The following OBSL1 variants were observed in gnomAD, a reference collection of about 807,000 sequenced individuals.
The protein encoded by OBSL1 is obscurin-like protein 1.
A neutral mutation model predicts 172.0 loss-of-function variants in OBSL1; 160 were observed. The ratio of observed to expected loss-of-function variants is 0.93; its 90% CI spans 0.82 to 1.06. OBSL1 has a LOEUF of 1.06. Ranked by LOEUF, OBSL1 falls within the 50% of genes least tolerant of loss-of-function variation. The probability of loss-of-function intolerance (pLI) is 0.00; values close to 1 mark genes in which losing one functional copy is unlikely to be tolerated. For synonymous variants in OBSL1, 1,200 were observed against 1,196.3 expected (o/e 1.00, Z -0.06); for missense variants, 2,681 against 2,715.4 (o/e 0.99, Z 0.28).
At chr2:219,562,041 C>T (rs373699420) in intron 8 of OBSL1, 37 of 716,194 alleles carry the variant, frequency 5.2e-5, no homozygotes, top group South Asian at 3.1e-4. Context: ...GTGTGGAATG[C>T]GCAGGGCCCC....
chr2:219,556,568 C>T lies in OBSL1; in HGVS notation c.4222G>A (p.Ala1408Thr). 1 of 1,613,974 alleles carries T rather than the reference C, an allele frequency of 6.2e-7. No individual in the cohort carries two copies. Among genetic ancestry groups the T allele is most frequent in the Non-Finnish European group, 8.5e-7 (1 of 1,179,896 alleles). Residue 1408 changes from alanine to threonine, a missense_variant, in exon 13 of 21, where the codon GCC becomes ACC. Around this residue, in one of 5 missense-constraint regions of OBSL1, gnomAD observed 1,765 missense variants for 1,748.3 expected, o/e 1.01. Transcript: ENST00000404537. ...VVTPGPQVEM[A>T]QNGSSRILTL... ...AAGATGCGGCTTGAACCATTCTGGG[C>T]CATCTCCACCTGGGGCCCTGGAGTG...
At chr2:219,549,002 A>G, downstream of OBSL1, 1 of 775,992 alleles carries the variant, frequency 1.3e-6, no homozygotes, top group Non-Finnish European at 2.1e-6. Context: ...GAGGTAGGAG[A>G]CCAGGAAAGG....
intron 8 of OBSL1, chr2:219,562,127 G>A (rs72957529): frequency 9.4e-4 from 636 of 678,822 alleles, no homozygotes; most frequent in Non-Finnish European, 1.4e-3. Flanking sequence ...AATAGGGACC[G>A]TATTTGCATT....
Position 219,558,315 on chromosome 2 carries a change from G to A in OBSL1, c.3371C>T (p.Ser1124Leu). Residue 1124 changes from serine to leucine, a missense_variant, in exon 10 of 21, where the codon TCA becomes TTA. By Grantham distance (145) the Ser-to-Leu change is moderately radical. Around this residue, in one of 5 missense-constraint regions of OBSL1, gnomAD observed 1,765 missense variants for 1,748.3 expected, o/e 1.01. Coordinates refer to ENST00000404537, the MANE Select transcript of OBSL1 (RefSeq NM_015311.3). ...CTCGGCACCCAGCTGCAGGGCATCT[G>A]ATGCCTCCACTTCCAGCCCGTCCTT... is the stretch of plus-strand genomic sequence containing the variant. ...WYKDGLEVEA[S>L]DALQLGAEGP... The A allele has an allele frequency of 2.5e-6, 4 of 1,612,620 alleles. No individual in the cohort carries two copies. The South Asian group carries it at 3.3e-5, about 13-fold the overall frequency.
chr2:219,563,222 G>A (rs932256682), intron 7 of OBSL1, 133 bp downstream of exon 7: 1 of 855,966 alleles, frequency 1.2e-6, no homozygotes, highest in Non-Finnish European at 1.8e-6. Context: ...AGGAGAAAGG[G>A]AGGAGGTCCG....
At chr2:219,561,075 C>A (rs752781961) in intron 8 of OBSL1, among the ~76,000 whole-genome samples, 1 of 152,092 alleles carries the variant, frequency 6.6e-6, no homozygotes, top group Non-Finnish European at 1.5e-5. Context: ...AAGATGATTA[C>A]GACAGGGCAG....
intron 8 of OBSL1, chr2:219,559,722 TCA>T: frequency 3.8e-6 from 2 of 530,244 alleles, no homozygotes; most frequent in South Asian, 6.2e-5. Flanking sequence ...TTCTCATCTA[TCA>T]CATACCTTCC....
At chr2:219,556,879 G>T (rs1300929747) in intron 12 of OBSL1, 156 bp from the exon 13 acceptor site, 3 of 779,448 alleles carry the variant, frequency 3.8e-6, no homozygotes, top group Non-Finnish European at 6.0e-6. Flanking sequence ...CAAAGGACAA[G>T]ATGCCAGCTC....
At chr2:219,562,219 G>A (rs1245885284) in intron 8 of OBSL1, among the ~76,000 whole-genome samples, 183 bp downstream of exon 8, 1 of 152,176 alleles carries the variant, frequency 6.6e-6, no homozygotes, top group African/African-American at 2.4e-5. Context: ...CTGGCCTTGG[G>A]CACCGGGGAG....
chr2:219,560,573 C>A lies in OBSL1; in HGVS notation c.2954-1076G>T, dbSNP rs939174747. On this transcript the variant is annotated intron_variant, in intron 8 of 20. Coordinates refer to ENST00000404537, the MANE Select transcript of OBSL1 (RefSeq NM_015311.3). ...AGCCTCTGGCCCCCTGGTGGCTGGG[C>A]TGAGGAACTGCTAGCTTCCCAATCA... Among the ~76,000 whole-genome samples the A allele has an allele frequency of 3.5e-5, 5 of 143,202 alleles. No homozygotes were observed. In the South Asian group the frequency reaches 1.3e-3, roughly 36 times the overall value. 93.9% of individuals were successfully genotyped at this position (143,202 alleles called of 152,430 possible).
At chr2:219,553,807 A>G in intron 15 of OBSL1, 121 bp from the exon 16 acceptor site, 4 of 261,916 alleles carry the variant, frequency 1.5e-5, no homozygotes, top group South Asian at 3.7e-5. Context: ...GTGGGGTTCG[A>G]GCTGGGACAA....
chr2:219,568,455 G>C lies in OBSL1; in HGVS notation c.1013-131C>G. ...AGCCAGCGGGCACTGTGGAATCACA[G>C]AAAACTACCAGAAGGGAAGTGGTGG... is the stretch of plus-strand genomic sequence containing the variant. On this transcript the variant is annotated intron_variant, in intron 1 of 20. Transcript: ENST00000404537. This position sits in a 1 kb window ranked among gnomAD's most constrained non-coding sequence, Gnocchi z 4.1. 2 of 896,182 alleles carry C rather than the reference G, an allele frequency of 2.2e-6. No homozygotes were observed. Among genetic ancestry groups the C allele is most frequent in the Non-Finnish European group, 3.3e-6 (2 of 607,176 alleles). 55.5% of individuals were successfully genotyped at this position (896,182 alleles called of 1,614,324 possible). A position where few individuals can be genotyped will look rare whatever the true frequency, so the allele number is the denominator to read the frequency against.
intron 1 of OBSL1, chr2:219,569,159 G>A (rs1006509197): frequency 6.6e-6 from 1 of 152,070 alleles, no homozygotes; most frequent in African/African-American, 2.4e-5. Context: ...AAGTTTTTGT[G>A]TGCGTGTGTG....
downstream of OBSL1, chr2:219,549,763 G>C: frequency 1.9e-6 from 3 of 1,614,140 alleles, no homozygotes; most frequent in Non-Finnish European, 2.5e-6. Context: ...AGCTCCCTGA[G>C]CTCCTTCATG....
Position 219,570,574 on chromosome 2 carries a change from G to T in OBSL1, c.659C>A (p.Ala220Glu). 1 of 1,547,066 alleles carries T rather than the reference G, an allele frequency of 6.5e-7. No homozygotes were observed. The highest frequency in any genetic ancestry group is 1.2e-5 in the South Asian group (1 of 83,862). Residue 220 changes from alanine (A) to glutamate (E), a missense_variant, in exon 1 of 21, where the codon GCG (alanine) becomes GAG (glutamate). Ala to Glu is a moderately radical substitution (Grantham distance 107). Around this residue, in one of 5 missense-constraint regions of OBSL1, gnomAD observed 706 missense variants for 695.8 expected, o/e 1.01. Coordinates refer to ENST00000404537, the MANE Select transcript of OBSL1 (RefSeq NM_015311.3). The stretch of plus-strand genomic sequence containing the variant: ...CTGGTGCACCTGGAGCAGCGCCCCC[G>T]CCTGCGCGTGGCCGTGCGCGTTGCG... ...HARNAHGHAQ[A>E]GALLQVHQPP...
At chr2:219,552,322 G>T in intron 18 of OBSL1, 106 bp from the exon 19 acceptor site, 2 of 1,065,426 alleles carry the variant, frequency 1.9e-6, no homozygotes, top group Non-Finnish European at 1.4e-6. Flanking sequence ...CGCCGTTAGT[G>T]TATGCTAGGG....
Position 219,571,177 on chromosome 2 carries a change from C to A in OBSL1, c.56G>T (p.Arg19Leu). ...GSPPCFLRFPRPVRVVSGAEA... is the reference protein window; with the variant it reads ...GSPPCFLRFPLPVRVVSGAEA... The stretch of plus-strand genomic sequence containing the variant: ...GGCGCCACTTACCACCCGCACAGGC[C>A]GCGGGAAGCGCAGGAAGCACGGGGG... The change falls in exon 1 of 21, where the codon CGG (arginine) becomes CTG (leucine). Residue 19 changes from arginine to leucine, a missense_variant. By Grantham distance (102) the Arg-to-Leu change is moderately radical. Around this residue, in one of 5 missense-constraint regions of OBSL1, gnomAD observed 90 missense variants for 76.6 expected, o/e 1.18. Coordinates refer to ENST00000404537, the MANE Select transcript of OBSL1 (RefSeq NM_015311.3). 1 of 1,475,652 alleles carries A rather than the reference C, an allele frequency of 6.8e-7. No homozygotes were observed. The highest frequency in any genetic ancestry group is 9.0e-7 in the Non-Finnish European group (1 of 1,115,218). The allele number at this position is 1,475,652 out of a possible 1,614,324, so 91.4% of individuals were successfully genotyped here.
intron 8 of OBSL1, chr2:219,561,822 C>G: frequency 1.4e-6 from 1 of 714,258 alleles, no homozygotes; most frequent in Admixed American, 2.0e-5. Flanking sequence ...TGGGGAGAGG[C>G]AAAAAGCAAT....
intron 7 of OBSL1, 39 bp from the exon 8 acceptor site, chr2:219,562,713 G>A (rs768360047): frequency 1.9e-4 from 287 of 1,511,868 alleles, no homozygotes; most frequent in Middle Eastern, 1.1e-3. Flanking sequence ...CATGAGGGGT[G>A]TGCCCTGCCG....
Sources: gnomAD v4.1 joint callset for allele counts (sites outside exome capture counted in the v4.1 genomes callset) on GRCh38, gnomAD v4.1.1 for gene constraint, gnomAD v4.1.1 regional missense constraint, Gnocchi (gnomAD v3.1) non-coding constraint, MANE v1.5 for transcripts, NCBI Gene and HGNC (gene_info 2026-07-23, HGNC 2026-07-21) for gene names.